The following SERPINB12 variants were observed in gnomAD, a reference collection of about 807,000 sequenced individuals.
SERPINB12 encodes serpin family B member 12.
A neutral mutation model predicts 41.1 loss-of-function variants in SERPINB12; 57 were observed. That is an observed-to-expected ratio of 1.39 (90% CI 1.12 to 1.73). The LOEUF is 1.73. Among genes scored for constraint, SERPINB12 ranks in the 40% most tolerant of loss-of-function variants. SERPINB12 has a pLI of 0.00. For missense variants in SERPINB12, 536 were observed against 501.9 expected (o/e 1.07, Z -0.65); for synonymous variants, 180 against 181.3 (o/e 0.99, Z 0.06).
intron 5 of SERPINB12, among the ~76,000 whole-genome samples, chr18:63,562,433 A>G (rs1910943717): frequency 6.6e-6 from 1 of 152,192 alleles, no homozygotes; most frequent in Admixed American, 6.5e-5. Flanking sequence ...AGGCATTTGC[A>G]TACATTTTGA....
chr18:63,558,163 G>A (rs8097462), intron 2 of SERPINB12, among the ~76,000 whole-genome samples, 189 bp from the exon 3 acceptor site: 102,751 of 152,032 alleles, frequency 0.68, 35,151 homozygotes, highest in Middle Eastern at 0.75. Flanking sequence ...CCAGGGTAGC[G>A]GTTGGTTCTT....
rs528415001 is a variant in SERPINB12 at position 63,556,458 on chromosome 18, C to G, written c.168+131C>G. The G allele has an allele frequency of 1.5e-5, 10 of 652,268 alleles. No individual in the cohort carries two copies. In the East Asian group the frequency reaches 2.6e-4, roughly 17 times the overall value. The allele number at this position is 652,268 out of a possible 1,614,324, so 40.4% of individuals were successfully genotyped here. A position where few individuals can be genotyped will look rare whatever the true frequency, so the allele number is the denominator to read the frequency against. On this transcript the variant is annotated intron_variant, in intron 2 of 7. Transcript: ENST00000382768. ...GCTTGGTCAGAACCCATCCCTGTCT[C>G]TGAGTCTTTATTTGTATTTTCTCCA...
At position 63,561,168 on chromosome 18, in the gene SERPINB12, A is replaced by T. The variant is rs781096860; in HGVS notation, c.528A>T (p.Gln176His). 2 of 1,612,370 alleles carry T rather than the reference A, an allele frequency of 1.2e-6. No homozygotes were observed. The highest frequency in any genetic ancestry group is 4.5e-5 in the East Asian group (2 of 44,888). ...DFQKNPEKSR[Q>H]EINFWVECQS... Reference sequence around the variant, plus strand: ...AAAAAAACCCTGAAAAATCCAGACAAGAGATTAACTTCTGGGTTGAATGTC... The same window carrying T: ...AAAAAAACCCTGAAAAATCCAGACATGAGATTAACTTCTGGGTTGAATGTC... Residue 176 changes from glutamine (Q) to histidine (H), a missense_variant, in exon 5 of 8, where the codon CAA becomes CAT. Coordinates refer to ENST00000382768, the MANE Select transcript of SERPINB12 (RefSeq NM_001307928.2).
rs1223220043 is a variant in SERPINB12, at chr18:63,567,211, G to T, written c.*200G>T. On this transcript the variant is annotated 3_prime_UTR_variant, in exon 8 of 8. Coordinates refer to ENST00000382768, the MANE Select transcript of SERPINB12 (RefSeq NM_001307928.2). Reference sequence around the variant, plus strand: ...AGTCTGTTAGTATTGAAGGGCTGTTGTTCTCTACCCTAAACTTTCAAGCAT... The same window carrying T: ...AGTCTGTTAGTATTGAAGGGCTGTTTTTCTCTACCCTAAACTTTCAAGCAT... Among the ~76,000 whole-genome samples, 3 of 152,130 alleles carry T rather than the reference G, an allele frequency of 2.0e-5. No individual in the cohort carries two copies. The highest frequency in any genetic ancestry group is 4.4e-5 in the Non-Finnish European group (3 of 68,020).
rs2061130 is a variant in SERPINB12, at chr18:63,568,655, C to T, written c.*1644C>T. Among the ~76,000 whole-genome samples, 88,211 of 151,970 alleles carry T rather than the reference C, an allele frequency of 0.58. 27,720 individuals carry two copies. The highest frequency in any genetic ancestry group is 0.72 in the Middle Eastern group (211 of 292). On this transcript the variant is annotated 3_prime_UTR_variant, in exon 8 of 8. Coordinates refer to ENST00000382768, the MANE Select transcript of SERPINB12 (RefSeq NM_001307928.2). Reference sequence around the variant, plus strand: ...CGAGGTGGGTTTCAGGTCTTGCTTGCGGCTCAGTTTCCTTGGCCCACCTTG... The same window carrying T: ...CGAGGTGGGTTTCAGGTCTTGCTTGTGGCTCAGTTTCCTTGGCCCACCTTG...
rs1444717987 is a variant in SERPINB12, at chr18:63,556,340, T to C, written c.168+13T>C. The C allele has an allele frequency of 6.2e-7, 1 of 1,612,168 alleles. No individual in the cohort carries two copies. Among genetic ancestry groups the C allele is most frequent in the Admixed American group, 1.7e-5 (1 of 59,910 alleles). The stretch of plus-strand genomic sequence containing the variant: ...TCAGATTGATGAGGTACGTGTCCAC[T>C]AGGGTGCTACACAGGGTCCTAAACT... On this transcript the variant is annotated intron_variant, in intron 2 of 7. Coordinates refer to ENST00000382768, the MANE Select transcript of SERPINB12 (RefSeq NM_001307928.2).
At chr18:63,559,987 C>T (rs1013243990) in intron 4 of SERPINB12, among the ~76,000 whole-genome samples, 3 of 152,142 alleles carry the variant, frequency 2.0e-5, no homozygotes, top group Non-Finnish European at 4.4e-5. Context: ...GGCTTTGGAG[C>T]ACGTGTGGGC....
intron 1 of SERPINB12, among the ~76,000 whole-genome samples, chr18:63,555,000 G>A (rs1910629325): frequency 6.6e-6 from 1 of 152,074 alleles, no homozygotes; most frequent in African/African-American, 2.4e-5. Flanking sequence ...GAAGGTACTT[G>A]TTTCTCCTTC....
At chr18:63,547,348 T>C (rs1407696339) in intron 1 of SERPINB12, among the ~76,000 whole-genome samples, 1 of 151,938 alleles carries the variant, frequency 6.6e-6, no homozygotes, top group Non-Finnish European at 1.5e-5. Flanking sequence ...TTTTAAACAA[T>C]GTGAGTTAGA....
At chr18:63,547,740 T>A (rs1236133109) in intron 1 of SERPINB12, among the ~76,000 whole-genome samples, 2 of 152,140 alleles carry the variant, frequency 1.3e-5, no homozygotes, top group African/African-American at 2.4e-5. Context: ...GAATTTTTTT[T>A]ATATTGCAGT....
intron 1 of SERPINB12, among the ~76,000 whole-genome samples, chr18:63,554,954 C>A (rs1310069064): frequency 6.6e-6 from 1 of 152,124 alleles, no homozygotes; most frequent in Non-Finnish European, 1.5e-5. Flanking sequence ...TTGGCAGTTC[C>A]TCCTTTTCTC....
At chr18:63,532,560 T>G in the SERPINB12 span, among the ~76,000 whole-genome samples, 4 of 152,272 alleles carry the variant, frequency 2.6e-5, no homozygotes, top group South Asian at 8.3e-4. Flanking sequence ...GTGGGGATTT[T>G]GGAGGAGGAG....
intron 1 of SERPINB12, among the ~76,000 whole-genome samples, chr18:63,550,869 A>G (rs1410031526): frequency 1.3e-5 from 2 of 152,166 alleles, no homozygotes; most frequent in Non-Finnish European, 2.9e-5. Context: ...CCTGTGGCTA[A>G]CCACAGTTCT....
At chr18:63,529,632 G>A in the SERPINB12 span, among the ~76,000 whole-genome samples, 2 of 152,082 alleles carry the variant, frequency 1.3e-5, no homozygotes, top group African/African-American at 4.8e-5. Context: ...TTAAAATCAT[G>A]TATTGGAATA....
intron 1 of SERPINB12, among the ~76,000 whole-genome samples, chr18:63,546,752 A>G (rs567015216): frequency 4.3e-4 from 65 of 152,368 alleles, no homozygotes; most frequent in African/African-American, 1.5e-3. Flanking sequence ...AGTTAAAAGC[A>G]TAGCATTTGT....
chr18:63,545,567 G>A (rs1432407225), intron 1 of SERPINB12, among the ~76,000 whole-genome samples: 1 of 152,162 alleles, frequency 6.6e-6, no homozygotes, highest in Non-Finnish European at 1.5e-5. Context: ...AATTATTTAA[G>A]AGGATAAACA....
chr18:63,523,287 C>T, the SERPINB12 span, among the ~76,000 whole-genome samples: 38 of 152,280 alleles, frequency 2.5e-4, no homozygotes, highest in East Asian at 6.7e-3. Context: ...GAAGAAAAAT[C>T]CTTAACCCTT....
the SERPINB12 span, among the ~76,000 whole-genome samples, chr18:63,520,671 C>T: frequency 8.2e-3 from 1,253 of 152,218 alleles, 18 homozygotes; most frequent in African/African-American, 0.029. Flanking sequence ...AAAAACCAGA[C>T]CACAGAGGAG....
the SERPINB12 span, among the ~76,000 whole-genome samples, chr18:63,528,469 G>C: frequency 2.0e-5 from 3 of 152,084 alleles, no homozygotes; most frequent in African/African-American, 7.2e-5. Context: ...TTGGACTAAT[G>C]TTTTAGATGG....
Sources: gnomAD v4.1 joint callset for allele counts (sites outside exome capture counted in the v4.1 genomes callset) on GRCh38, gnomAD v4.1.1 for gene constraint, MANE v1.5 for transcripts, NCBI Gene and HGNC (gene_info 2026-07-23, HGNC 2026-07-21) for gene names.